PCDHGB2: variants seen among roughly 807,000 people sequenced by gnomAD.
The protein encoded by PCDHGB2 is protocadherin gamma subfamily B, 2, also known as protocadherin gamma-B2.
PCDHGB2 carries 55 observed loss-of-function variants against 59.3 expected under a neutral mutation model. That is an observed-to-expected ratio of 0.93 (90% CI 0.75 to 1.16). The LOEUF is 1.16. Ranked by LOEUF, PCDHGB2 falls within the 50% of genes most tolerant of loss-of-function variation. PCDHGB2 has a pLI of 0.00. For synonymous variants in PCDHGB2, 516 were observed against 512.0 expected (o/e 1.01, Z -0.11); for missense variants, 1,228 against 1,198.5 (o/e 1.02, Z -0.36).
chr5:141,418,527 G>A, intron 1 of PCDHGB2: 2 of 1,614,018 alleles, frequency 1.2e-6, no homozygotes, highest in South Asian at 1.1e-5. Flanking sequence ...CCTCCCCGAA[G>A]CGGTACTGCT....
intron 1 of PCDHGB2, among the ~76,000 whole-genome samples, chr5:141,452,664 T>C (rs557662640): frequency 6.6e-6 from 1 of 151,058 alleles, no homozygotes; most frequent in South Asian, 2.1e-4. Context: ...TCCACTGCAC[T>C]CCAGCCTAGG....
At chr5:141,375,751 T>C (rs1389189532) in intron 1 of PCDHGB2, 3 of 1,614,108 alleles carry the variant, frequency 1.9e-6, no homozygotes, top group Non-Finnish European at 2.5e-6. Context: ...TGGACCAGAA[T>C]GACAATGCGC....
At chr5:141,473,272 A>G (rs2099318396) in intron 1 of PCDHGB2, among the ~76,000 whole-genome samples, 1 of 152,182 alleles carries the variant, frequency 6.6e-6, no homozygotes, top group African/African-American at 2.4e-5. Flanking sequence ...GTATGCTATG[A>G]TTATTTTACT....
intron 1 of PCDHGB2, chr5:141,415,323 G>C: frequency 1.9e-6 from 3 of 1,614,236 alleles, no homozygotes; most frequent in South Asian, 2.2e-5. Flanking sequence ...TCGTGCTGCT[G>C]GCGCACAGGC....
intron 1 of PCDHGB2, chr5:141,389,614 C>T: frequency 1.2e-6 from 2 of 1,613,064 alleles, no homozygotes; most frequent in Non-Finnish European, 1.7e-6. Context: ...GATATGGTGC[C>T]GCACGCTGCA....
At chr5:141,413,411 T>TC in intron 1 of PCDHGB2, 1 of 1,614,038 alleles carries the variant, frequency 6.2e-7, no homozygotes, top group Non-Finnish European at 8.5e-7. Flanking sequence ...ACGCAGCTTT[T>TC]CTCTCTGAAC....
chr5:141,474,242 G>A (rs575397598), intron 1 of PCDHGB2, among the ~76,000 whole-genome samples: 1 of 152,192 alleles, frequency 6.6e-6, no homozygotes, highest in African/African-American at 2.4e-5. Context: ...GCTGAATAGG[G>A]GAAAAAAAGA....
intron 1 of PCDHGB2, chr5:141,409,051 C>T (rs767003760): frequency 3.7e-6 from 6 of 1,614,032 alleles, no homozygotes; most frequent in Non-Finnish European, 5.1e-6. Context: ...ACTTCCGAAG[C>T]ACTGCCCAGA....
intron 1 of PCDHGB2, chr5:141,400,076 T>A: frequency 6.2e-7 from 1 of 1,613,932 alleles, no homozygotes; most frequent in Non-Finnish European, 8.5e-7. Context: ...CAGCCGCCAC[T>A]CTCCGCCACC....
At chr5:141,394,607 G>C (rs769750411) in intron 1 of PCDHGB2, 10 of 1,613,414 alleles carry the variant, frequency 6.2e-6, no homozygotes, top group South Asian at 2.2e-5. Context: ...ACAGAGACTC[G>C]GGCCAGAACG....
At position 141,419,268 on chromosome 5, in the gene PCDHGB2, C is replaced by T. The variant is rs1240259934; in HGVS notation, c.2421+56712C>T. 6.2e-6 allele frequency: 10 copies of T among 1,614,050 alleles called. No homozygotes were observed. The East Asian group carries it at 2.2e-4, about 36-fold the overall frequency. ...CCAGAAAACAACCAGCCGGGTGCCT[C>T]CATAGCGCAAGTCAGTGCCTCTGAC... is the stretch of plus-strand genomic sequence containing the variant. On this transcript the variant is annotated intron_variant, in intron 1 of 3. Transcript: ENST00000522605.
chr5:141,419,773 C>CAG, intron 1 of PCDHGB2: 1 of 1,614,034 alleles, frequency 6.2e-7, no homozygotes, highest in Non-Finnish European at 8.5e-7. Flanking sequence ...AGGACTCGGT[C>CAG]CGCCAGCGCC....
intron 1 of PCDHGB2, chr5:141,413,667 G>A: frequency 6.2e-7 from 1 of 1,613,836 alleles, no homozygotes; most frequent in Non-Finnish European, 8.5e-7. Flanking sequence ...CTATTGATCC[G>A]GATGTGGGCG....
rs780788394 is a variant in PCDHGB2 at position 141,491,675 on chromosome 5, C to T, written c.2422-3132C>T. ...GAGCCTGACGCCATCCGGTCCCGCT[C>T]TAATACGCTGCGGGAGCGGAGCCAG... On this transcript the variant is annotated intron_variant, in intron 1 of 3. Transcript: ENST00000522605. The surrounding 1 kb of genome is among the most constrained non-coding windows in gnomAD (Gnocchi z 6.9). 6 of 1,613,450 alleles carry T rather than the reference C, an allele frequency of 3.7e-6. No homozygotes were observed. The African/African-American group carries it at 8.0e-5, about 22-fold the overall frequency.
intron 2 of PCDHGB2, among the ~76,000 whole-genome samples, chr5:141,498,971 G>GGGAAGGAAGGAAGGAAGGAAGGAAGGAA (rs201769957): frequency 9.0e-6 from 1 of 110,972 alleles, no homozygotes; most frequent in Non-Finnish European, 1.8e-5. Flanking sequence ...GAGGGAGGGA[G>GGGAAGGAAGGAAGGAAGGAAGGAAGGAA]GGAAGGAAGG....
At chr5:141,458,984 C>T (rs2098958355) in intron 1 of PCDHGB2, among the ~76,000 whole-genome samples, 1 of 152,204 alleles carries the variant, frequency 6.6e-6, no homozygotes, top group Non-Finnish European at 1.5e-5. Context: ...CCTCCTGCCT[C>T]ACCCTCCCAA....
intron 2 of PCDHGB2, among the ~76,000 whole-genome samples, chr5:141,500,806 T>C (rs2099802700): frequency 6.6e-6 from 1 of 152,240 alleles, no homozygotes; most frequent in Non-Finnish European, 1.5e-5. Context: ...AGTCCTCATA[T>C]GAATATACAT....
In PCDHGB2 at chr5:141,408,733, T is replaced by C. The variant is rs753545231; in HGVS notation, c.2421+46177T>C. The C allele has an allele frequency of 7.5e-6, 12 of 1,610,158 alleles. No individual in the cohort carries two copies. The South Asian group carries it at 1.3e-4, about 18-fold the overall frequency. Reference sequence around the variant, plus strand: ...ATTATAAGATAAACTCTAATCCTTATTTTTCATTAATGGTTAGAGTTAATT... The same window carrying C: ...ATTATAAGATAAACTCTAATCCTTACTTTTCATTAATGGTTAGAGTTAATT... On this transcript the variant is annotated intron_variant, in intron 1 of 3. Transcript: ENST00000522605.
chr5:141,488,985 C>G lies in PCDHGB2; in HGVS notation c.2422-5822C>G, dbSNP rs574857958. On this transcript the variant is annotated intron_variant, in intron 1 of 3. Transcript: ENST00000522605. ...ACTTTTTGGCCAATCAGACTCAGAG[C>G]TGAGGTGGGAGATCTGCTCTTCCAG... The G allele has an allele frequency of 7.4e-6, 3 of 405,188 alleles. No homozygotes were observed. In the South Asian group the frequency reaches 2.4e-4, roughly 32 times the overall value. The allele number at this position is 405,188 out of a possible 1,614,324, so 25.1% of individuals were successfully genotyped here.
Sources: allele counts gnomAD v4.1 joint callset (sites outside exome capture counted in the v4.1 genomes callset), GRCh38; gene constraint gnomAD v4.1.1; non-coding constraint Gnocchi (gnomAD v3.1); transcripts MANE v1.5; gene names NCBI Gene and HGNC (gene_info 2026-07-23, HGNC 2026-07-21).